The following EPHB1 variants were observed in gnomAD, a reference collection of about 807,000 sequenced individuals.
EPHB1 encodes the protein EPH receptor B1, also known as ephrin type-B receptor 1.
In EPHB1, 30 loss-of-function variants were observed where a neutral mutation model predicts 94.4. That is an observed-to-expected ratio of 0.32 (90% confidence interval 0.24 to 0.43). The LOEUF (loss-of-function observed/expected upper bound fraction) is 0.43. EPHB1 is among the 20% of genes least tolerant of loss of function. The pLI, the probability that EPHB1 is intolerant of heterozygous loss-of-function variation, is 1.00. For missense variants in EPHB1, 1,055 were observed against 1,308.3 expected (o/e 0.81, Z 2.99); for synonymous variants, 522 against 489.1 (o/e 1.07, Z -0.89).
intron 1 of EPHB1, among the ~76,000 whole-genome samples, chr3:134,805,832 G>A (rs1406487683): frequency 2.0e-5 from 3 of 152,116 alleles, no homozygotes; most frequent in Non-Finnish European, 4.4e-5. Flanking sequence ...TCCCACACTC[G>A]ATTGGGTTGC....
At chr3:135,049,715 G>A (rs1254056557) in intron 3 of EPHB1, among the ~76,000 whole-genome samples, 2 of 152,208 alleles carry the variant, frequency 1.3e-5, no homozygotes, top group African/African-American at 2.4e-5. Flanking sequence ...GTACTTTGGG[G>A]ACCAGGTTTT....
In EPHB1 at chr3:134,945,939, T is replaced by G. The variant is rs73861888; in HGVS notation, c.124-5432T>G. On this transcript the variant is annotated intron_variant, in intron 2 of 15. Transcript: ENST00000398015. ...CATGCAAGACTGGTAAAATTCCCCC[T>G]TTTTTAAGAAAAGAGAGAGGGAAGA... Among the ~76,000 whole-genome samples the G allele has an allele frequency of 4.8e-3, 733 of 152,310 alleles. 3 individuals are homozygous for G. Among genetic ancestry groups the G allele is most frequent in the African/African-American group, 0.017 (711 of 41,572 alleles).
intron 1 of EPHB1, among the ~76,000 whole-genome samples, chr3:134,829,742 T>A (rs1231125509): frequency 6.6e-6 from 1 of 152,138 alleles, no homozygotes; most frequent in Admixed American, 6.5e-5. Flanking sequence ...TAAATTAAGA[T>A]GAGGTCATAC....
chr3:134,908,016 G>A (rs1162172754), intron 1 of EPHB1, among the ~76,000 whole-genome samples: 1 of 152,224 alleles, frequency 6.6e-6, no homozygotes, highest in Non-Finnish European at 1.5e-5. Context: ...CACCACAGCT[G>A]GTAGCCAGGC....
intron 5 of EPHB1, among the ~76,000 whole-genome samples, chr3:135,153,648 C>A (rs1424914338): frequency 6.6e-6 from 1 of 152,148 alleles, no homozygotes; most frequent in African/African-American, 2.4e-5. Flanking sequence ...CTTGCAGTAT[C>A]AGGAATAGAT....
chr3:135,109,950 A>C (rs1939375488), intron 4 of EPHB1, among the ~76,000 whole-genome samples: 1 of 152,240 alleles, frequency 6.6e-6, no homozygotes, highest in Non-Finnish European at 1.5e-5. Context: ...AGCCGGGCAG[A>C]GGGACAGCCA....
chr3:134,886,098 A>T (rs1430972504), intron 1 of EPHB1, among the ~76,000 whole-genome samples: 1 of 152,248 alleles, frequency 6.6e-6, no homozygotes, highest in African/African-American at 2.4e-5. Flanking sequence ...GAAAAAGGAA[A>T]GGTGAAGTGT....
intron 12 of EPHB1, among the ~76,000 whole-genome samples, chr3:135,211,272 C>T (rs1220267298): frequency 6.6e-6 from 1 of 152,196 alleles, no homozygotes; most frequent in Non-Finnish European, 1.5e-5. Context: ...CATCTACATA[C>T]ATTTATAGTC....
At chr3:135,173,286 G>A (rs1021052690) in intron 9 of EPHB1, among the ~76,000 whole-genome samples, 7 of 151,920 alleles carry the variant, frequency 4.6e-5, no homozygotes, top group African/African-American at 1.5e-4. Context: ...CGCCCGCCTC[G>A]GCCTCCCAAA....
rs373414018 is a variant in EPHB1, at chr3:134,968,560, G to A, written c.805+16508G>A. Among the ~76,000 whole-genome samples, 4 of 152,214 alleles carry A rather than the reference G, an allele frequency of 2.6e-5. No homozygotes were observed. The East Asian group carries it at 7.7e-4, about 29-fold the overall frequency. Reference sequence around the variant, plus strand: ...TGTTAGTTAACATTTTTTAATTTTTGTGACTTCTTAATTCTATTTTTAAAA... The same window carrying A: ...TGTTAGTTAACATTTTTTAATTTTTATGACTTCTTAATTCTATTTTTAAAA... On this transcript the variant is annotated intron_variant, in intron 3 of 15. Transcript: ENST00000398015.
chr3:135,188,565 T>C (rs1942388845), intron 10 of EPHB1, among the ~76,000 whole-genome samples: 2 of 152,226 alleles, frequency 1.3e-5, no homozygotes, highest in Non-Finnish European at 2.9e-5. Flanking sequence ...TACAAAGCAC[T>C]TTCTCCTAGA....
intron 3 of EPHB1, among the ~76,000 whole-genome samples, chr3:135,008,018 C>T (rs1035589212): frequency 2.6e-5 from 4 of 152,144 alleles, no homozygotes; most frequent in African/African-American, 9.7e-5. Context: ...GGCTCAAATG[C>T]TCTGCTGAAA....
At chr3:135,202,794 A>G (rs1225263479) in intron 12 of EPHB1, among the ~76,000 whole-genome samples, 1 of 152,232 alleles carries the variant, frequency 6.6e-6, no homozygotes, top group Non-Finnish European at 1.5e-5. Flanking sequence ...TAGTTCAACC[A>G]TTGTGGAAGA....
At chr3:135,248,789 T>C (rs1049407609) in intron 14 of EPHB1, among the ~76,000 whole-genome samples, 1 of 151,960 alleles carries the variant, frequency 6.6e-6, no homozygotes, top group African/African-American at 2.4e-5. Context: ...TGGTGAAGGA[T>C]TGGACATGGA....
intron 3 of EPHB1, among the ~76,000 whole-genome samples, chr3:135,009,347 T>C (rs759180874): frequency 2.6e-5 from 4 of 152,140 alleles, no homozygotes; most frequent in Non-Finnish European, 4.4e-5. Context: ...TTAAGAACCA[T>C]TGGTCTGGGG....
chr3:135,245,621 C>G (rs528562252), intron 13 of EPHB1, among the ~76,000 whole-genome samples: 1 of 150,888 alleles, frequency 6.6e-6, no homozygotes, highest in African/African-American at 2.4e-5. Context: ...TCCTGGCCAA[C>G]GTGCTGAAAC....
At chr3:135,010,005 A>G (rs1417449145) in intron 3 of EPHB1, among the ~76,000 whole-genome samples, 1 of 152,228 alleles carries the variant, frequency 6.6e-6, no homozygotes, top group Non-Finnish European at 1.5e-5. Flanking sequence ...CTGCACAGCT[A>G]TCCCTCTGAT....
intron 5 of EPHB1, among the ~76,000 whole-genome samples, chr3:135,135,983 CA>C (rs1258025344): frequency 6.6e-6 from 1 of 152,152 alleles, no homozygotes; most frequent in Non-Finnish European, 1.5e-5. Flanking sequence ...CATAATTACA[CA>C]ATGACTTGGG....
At chr3:134,890,266 T>C (rs2037953153) in intron 1 of EPHB1, among the ~76,000 whole-genome samples, 1 of 152,252 alleles carries the variant, frequency 6.6e-6, no homozygotes, top group Non-Finnish European at 1.5e-5. Flanking sequence ...AATGGTATTA[T>C]GTGATATATG....
Sources: allele counts gnomAD v4.1 joint callset (sites outside exome capture counted in the v4.1 genomes callset), GRCh38; gene constraint gnomAD v4.1.1; transcripts MANE v1.5; gene names NCBI Gene and HGNC (gene_info 2026-07-23, HGNC 2026-07-21).